Variants in IRAK2 observed in about 807,000 individuals in gnomAD.
IRAK2 encodes the protein interleukin 1 receptor associated kinase 2.
Under a neutral mutation model 72.0 loss-of-function variants are expected in IRAK2, and 57 were observed. That is an observed-to-expected ratio of 0.79 (90% CI 0.64 to 0.99). The LOEUF (loss-of-function observed/expected upper bound fraction) is 0.99. Among genes scored for constraint, IRAK2 ranks in the 50% least tolerant of loss-of-function variants. The pLI is 0.00. For missense variants in IRAK2, 790 were observed against 794.4 expected (o/e 0.99, Z 0.07); for synonymous variants, 293 against 312.7 (o/e 0.94, Z 0.67).
intron 6 of IRAK2, among the ~76,000 whole-genome samples, chr3:10,215,405 AAAAAAAAAATT>A (rs1161888107): frequency 6.8e-6 from 1 of 147,824 alleles, no homozygotes; most frequent in Admixed American, 6.7e-5. Context: ...AAAAAAAAAA[AAAAAAAAAATT>A]AATTAATTAA....
chr3:10,216,972 G>A lies in IRAK2; in HGVS notation c.827G>A (p.Cys276Tyr), dbSNP rs1697614243. The change falls in exon 7 of 13, where the codon TGT (cysteine) becomes TAT (tyrosine). Residue 276 changes from cysteine (C) to tyrosine (Y), a missense_variant. By Grantham distance (194) the Cys-to-Tyr change is radical. Transcript: ENST00000256458. ...HPNVLPVLGF[C>Y]AARQFHSFIY... ...AATGTCTTACCTGTGCTGGGCTTCT[G>A]TGCTGCAAGACAGTTTCACAGCTTC... The A allele has an allele frequency of 1.9e-6, 3 of 1,614,194 alleles. No homozygotes were observed. The highest frequency in any genetic ancestry group is 2.2e-5 in the East Asian group (1 of 44,888).
intron 3 of IRAK2, among the ~76,000 whole-genome samples, chr3:10,201,906 T>A (rs948127281): frequency 6.6e-6 from 1 of 152,230 alleles, no homozygotes; most frequent in African/African-American, 2.4e-5. Flanking sequence ...CATATTTGAA[T>A]CCTAGTGCTG....
intron 6 of IRAK2, among the ~76,000 whole-genome samples, chr3:10,214,506 T>C (rs1193050694): frequency 6.7e-6 from 1 of 150,092 alleles, no homozygotes. Context: ...GTTGGGATTA[T>C]AGGTGTGAGC....
chr3:10,239,157 C>A, intron 12 of IRAK2, 118 bp downstream of exon 12: 3 of 958,326 alleles, frequency 3.1e-6, no homozygotes, highest in Non-Finnish European at 4.5e-6. Context: ...AGCCATTCAC[C>A]AACCAGCCAG....
At chr3:10,166,991 G>T (rs1047906135) in intron 1 of IRAK2, among the ~76,000 whole-genome samples, 3 of 152,118 alleles carry the variant, frequency 2.0e-5, no homozygotes, top group Non-Finnish European at 4.4e-5. Context: ...CAAACTTTGT[G>T]TGAGACTCCC....
At chr3:10,186,722 A>C (rs1193345501) in intron 2 of IRAK2, among the ~76,000 whole-genome samples, 1 of 149,624 alleles carries the variant, frequency 6.7e-6, no homozygotes, top group Non-Finnish European at 1.5e-5. Flanking sequence ...ATCCCCCAAG[A>C]TGGGGATTCT....
In IRAK2 at chr3:10,166,114, A is replaced by G. The variant is rs561434189; in HGVS notation, c.94+1066A>G. Among the ~76,000 whole-genome samples, 81 of 152,230 alleles carry G rather than the reference A, an allele frequency of 5.3e-4. 1 individual carries two copies. The Middle Eastern group carries it at 0.031, about 58-fold the overall frequency. On this transcript the variant is annotated intron_variant, in intron 1 of 12. Transcript: ENST00000256458. ...AGGCGTGAGCCACTGTGCCCAGCCT[A>G]TTTATCATATTTGTGATTAAATGTA...
At chr3:10,193,445 A>AAAAAAAC (rs2125149055) in intron 2 of IRAK2, among the ~76,000 whole-genome samples, 1 of 151,718 alleles carries the variant, frequency 6.6e-6, no homozygotes, top group East Asian at 1.9e-4. Context: ...CTCTACCAAA[A>AAAAAAAC]AAAAACAAAA....
At position 10,242,164 on chromosome 3, in the gene IRAK2, T is replaced by A. The variant is rs755753367; in HGVS notation, c.1814T>A (p.Leu605Gln). ...GAGATCAATGAGGCCAAAAGGAAAC[T>A]GATGGAGAATATTCTGCTCTACAAA... Reference protein sequence around the residue: ...QIEINEAKRKLMENILLYKEE... With the variant: ...QIEINEAKRKQMENILLYKEE... Residue 605 changes from leucine to glutamine, a missense_variant, in exon 13 of 13, where the codon CTG becomes CAG. Transcript: ENST00000256458. 1.4e-5 allele frequency: 22 copies of A among 1,613,646 alleles called. No individual in the cohort carries two copies. In the East Asian group the frequency reaches 4.7e-4, roughly 34 times the overall value.
chr3:10,171,728 C>T (rs577278378), intron 1 of IRAK2, among the ~76,000 whole-genome samples: 1 of 151,106 alleles, frequency 6.6e-6, no homozygotes, highest in South Asian at 2.1e-4. Context: ...CCTCAGCCTC[C>T]CAAAGTGTTT....
In IRAK2 at chr3:10,165,612, C is replaced by T. The variant is rs566398911; in HGVS notation, c.94+564C>T. 6.8e-4 allele frequency among the ~76,000 whole-genome samples: 104 copies of T among 152,086 alleles called. 3 individuals are homozygous for T. In the South Asian group the frequency reaches 0.011, roughly 16 times the overall value. ...TGGGATTCAAGCGATTTTCCTGCCT[C>T]GGCCTCCCGAGTAGCTGGGATTACA... On this transcript the variant is annotated intron_variant, in intron 1 of 12. Coordinates refer to ENST00000256458, the MANE Select transcript of IRAK2 (RefSeq NM_001570.4).
chr3:10,189,700 C>G (rs1697143903), intron 2 of IRAK2, among the ~76,000 whole-genome samples: 1 of 152,112 alleles, frequency 6.6e-6, no homozygotes, highest in South Asian at 2.1e-4. Flanking sequence ...GAGCTGGGCT[C>G]TCATTGAGTG....
At position 10,164,974 on chromosome 3, in the gene IRAK2, A is replaced by G. The variant is rs751945187; in HGVS notation, c.20A>G (p.Gln7Arg). ...CGTGCCATGGCCTGCTACATCTACC[A>G]GCTGCCCTCCTGGGTGCTGGACGAC... MACYIY[Q>R]LPSWVLDDLC... The change falls in exon 1 of 13, where the codon CAG becomes CGG. Residue 7 changes from glutamine to arginine, a missense_variant. Gln to Arg is a conservative substitution (Grantham distance 43). Transcript: ENST00000256458. 6.2e-7 allele frequency: 1 copy of G among 1,611,060 alleles called. No individual in the cohort carries two copies. The highest frequency in any genetic ancestry group is 1.1e-5 in the South Asian group (1 of 90,912).
At chr3:10,229,581 C>T (rs4462945) in intron 10 of IRAK2, among the ~76,000 whole-genome samples, 12,206 of 152,228 alleles carry the variant, frequency 0.08, 734 homozygotes, top group Admixed American at 0.18. Context: ...TATCAATGGG[C>T]CCATGGCAGA....
At chr3:10,205,480 C>T (rs1276138515) in intron 3 of IRAK2, among the ~76,000 whole-genome samples, 1 of 152,204 alleles carries the variant, frequency 6.6e-6, no homozygotes, top group Non-Finnish European at 1.5e-5. Context: ...GGGGGAGCCT[C>T]CTGAGCAAAC....
chr3:10,209,828 C>A (rs1055817371), intron 4 of IRAK2, 136 bp downstream of exon 4: 16 of 477,146 alleles, frequency 3.4e-5, no homozygotes, highest in African/African-American at 3.0e-4. Context: ...CAAATTACCC[C>A]AAGCTTCTAA....
Position 10,177,922 on chromosome 3 carries a change from T to G in IRAK2, c.179T>G (p.Leu60Arg). Residue 60 changes from leucine to arginine, a missense_variant, in exon 2 of 13, where the codon CTG becomes CGG. Transcript: ENST00000256458. ...RVQGVSITRE[L>R]LWWWGMRQAT... is the part of the protein sequence containing the mutation. ...CAGGGTGTGAGCATCACGCGGGAGC[T>G]GCTGTGGTGGTGGGGCATGCGGCAG... The G allele has an allele frequency of 6.2e-7, 1 of 1,613,916 alleles. No homozygotes were observed. The highest frequency in any genetic ancestry group is 8.5e-7 in the Non-Finnish European group (1 of 1,180,024).
At chr3:10,219,015 T>C (rs904881785) in intron 7 of IRAK2, among the ~76,000 whole-genome samples, 4 of 152,142 alleles carry the variant, frequency 2.6e-5, no homozygotes, top group African/African-American at 9.7e-5. Context: ...CTGGCCAACA[T>C]GGCAAAACCC....
rs1270374391 is a variant in IRAK2 at position 10,216,229 on chromosome 3, CTGGG to C, written c.789-697_789-694del. ...GGGAGATAAGAAGGTTTCTAGGAAA[CTGGG>C]TGGGTGGTGATGTGCCTTTCTGGGA... is the stretch of plus-strand genomic sequence containing the variant. On this transcript the variant is annotated intron_variant, in intron 6 of 12. Transcript: ENST00000256458. Among the ~76,000 whole-genome samples the C allele has an allele frequency of 2.0e-5, 3 of 152,056 alleles. No individual in the cohort carries two copies. In the East Asian group the frequency reaches 5.8e-4, roughly 29 times the overall value.
Sources: gnomAD v4.1 joint callset for allele counts (sites outside exome capture counted in the v4.1 genomes callset) on GRCh38, gnomAD v4.1.1 for gene constraint, MANE v1.5 for transcripts, NCBI Gene and HGNC (gene_info 2026-07-23, HGNC 2026-07-21) for gene names.